Variants in METTL15 observed in about 807,000 individuals in gnomAD.
The protein encoded by METTL15 is methyltransferase 15, mitochondrial 12S rRNA N4-cytidine.
METTL15 carries 34 observed loss-of-function variants against 38.3 expected under a neutral mutation model. That is an observed-to-expected ratio of 0.89 (90% confidence interval 0.68 to 1.18). The LOEUF is 1.18. Ranked by LOEUF, METTL15 falls within the 50% of genes most tolerant of loss-of-function variation. METTL15 has a pLI of 0.00. For missense variants in METTL15, 438 were observed against 498.4 expected, an observed-to-expected ratio of 0.88 and a Z score of 1.15; for synonymous variants, 162 against 170.9, an observed-to-expected ratio of 0.95 and a Z score of 0.41.
intron 3 of METTL15, among the ~76,000 whole-genome samples, chr11:28,207,422 C>T (rs1852398421): frequency 6.6e-6 from 1 of 152,146 alleles, no homozygotes; most frequent in South Asian, 2.1e-4. Context: ...TATTGATTTG[C>T]ATATGTTGAA....
chr11:28,346,069 C>T (rs1236791654), intron 3 of METTL15, among the ~76,000 whole-genome samples: 4 of 152,214 alleles, frequency 2.6e-5, no homozygotes, highest in Non-Finnish European at 5.9e-5. Flanking sequence ...AAAGACACAT[C>T]TTTAGCATGA....
chr11:28,294,255 A>T (rs1023401194), intron 5 of METTL15, among the ~76,000 whole-genome samples: 9 of 152,148 alleles, frequency 5.9e-5, no homozygotes, highest in African/African-American at 2.2e-4. Flanking sequence ...GGGGGAATTG[A>T]TTCACATGAA....
At chr11:28,482,999 T>C (rs1388405305) in intron 6 of METTL15, among the ~76,000 whole-genome samples, 1 of 151,914 alleles carries the variant, frequency 6.6e-6, no homozygotes, top group Non-Finnish European at 1.5e-5. Context: ...TCTTCTTCCC[T>C]TTTTCCTGCC....
intron 4 of METTL15, among the ~76,000 whole-genome samples, chr11:28,221,353 C>T (rs537773242): frequency 3.3e-5 from 5 of 152,294 alleles, no homozygotes; most frequent in East Asian, 3.9e-4. Flanking sequence ...TTGATCGAAT[C>T]GGCTACTGAA....
chr11:28,430,364 G>A (rs1448355124), intron 6 of METTL15, among the ~76,000 whole-genome samples: 2 of 1,628 alleles, frequency 1.2e-3, no homozygotes, highest in African/African-American at 5.1e-3. Context: ...GTGCCATCCG[G>A]GAGGAGGTGG....
intron 3 of METTL15, among the ~76,000 whole-genome samples, chr11:28,209,181 G>C (rs372450239): frequency 6.6e-6 from 1 of 151,872 alleles, no homozygotes; most frequent in South Asian, 2.1e-4. Flanking sequence ...TATTGATTGG[G>C]ACTTTCTTGT....
intron 6 of METTL15, among the ~76,000 whole-genome samples, chr11:28,430,627 A>G (rs375188031): frequency 0.91 from 18,281 of 20,144 alleles, 8,298 homozygotes; most frequent in East Asian, 0.96. Context: ...CCGGCCAGCC[A>G]CCCCGTCTGG....
At chr11:28,486,619 C>A (rs1851441579) in intron 6 of METTL15, among the ~76,000 whole-genome samples, 1 of 152,126 alleles carries the variant, frequency 6.6e-6, no homozygotes, top group South Asian at 2.1e-4. Flanking sequence ...GCCCTTTAGG[C>A]CATCTATGTG....
At chr11:28,386,442 A>G (rs530536203) in intron 5 of METTL15, among the ~76,000 whole-genome samples, 4 of 152,090 alleles carry the variant, frequency 2.6e-5, no homozygotes, top group Non-Finnish European at 5.9e-5. Flanking sequence ...ACATCAGAAA[A>G]AAAATAGACT....
intron 3 of METTL15, among the ~76,000 whole-genome samples, chr11:28,201,181 C>G (rs1370645738): frequency 6.6e-6 from 1 of 152,030 alleles, no homozygotes; most frequent in East Asian, 1.9e-4. Flanking sequence ...TGGTTTTTGT[C>G]ACTGATTCTG....
chr11:28,334,973 G>A (rs1006913121), downstream of METTL15, among the ~76,000 whole-genome samples: 1 of 152,062 alleles, frequency 6.6e-6, no homozygotes, highest in Non-Finnish European at 1.5e-5. Context: ...TGTGTCTTTG[G>A]TAATGTTACT....
chr11:28,409,100 G>A (rs1339178803), intron 5 of METTL15, among the ~76,000 whole-genome samples: 2 of 151,876 alleles, frequency 1.3e-5, no homozygotes, highest in Non-Finnish European at 2.9e-5. Flanking sequence ...TATTTAAATC[G>A]GGCTGGGCGC....
chr11:28,522,460 C>T (rs534534406), intron 6 of METTL15, among the ~76,000 whole-genome samples: 2 of 152,338 alleles, frequency 1.3e-5, no homozygotes, highest in South Asian at 4.1e-4. Flanking sequence ...GTCTTTTGTT[C>T]TATCCAGGCC....
At chr11:28,344,650 T>G (rs1474526067) in intron 3 of METTL15, among the ~76,000 whole-genome samples, 1 of 152,192 alleles carries the variant, frequency 6.6e-6, no homozygotes, top group African/African-American at 2.4e-5. Flanking sequence ...ATACACTGTC[T>G]AAGAGAATCT....
At chr11:28,187,245 T>C (rs1851531048) in intron 3 of METTL15, among the ~76,000 whole-genome samples, 1 of 151,278 alleles carries the variant, frequency 6.6e-6, no homozygotes, top group South Asian at 2.1e-4. Flanking sequence ...TGGCCTTCTC[T>C]GACCAAATAA....
At chr11:28,513,452 G>A (rs1217955453) in intron 6 of METTL15, among the ~76,000 whole-genome samples, 1 of 152,192 alleles carries the variant, frequency 6.6e-6, no homozygotes, top group Non-Finnish European at 1.5e-5. Flanking sequence ...CAGGACTCTG[G>A]TGAGTTGGTA....
intron 6 of METTL15, among the ~76,000 whole-genome samples, chr11:28,526,289 C>T (rs546370593): frequency 5.3e-5 from 8 of 152,276 alleles, no homozygotes; most frequent in South Asian, 2.1e-4. Flanking sequence ...ACGCCGAGGC[C>T]GAGGAGGTGC....
chr11:28,482,010 C>A (rs2133473915), intron 6 of METTL15, among the ~76,000 whole-genome samples: 1 of 152,042 alleles, frequency 6.6e-6, no homozygotes, highest in Middle Eastern at 3.4e-3. Context: ...TTTTTTTCCA[C>A]CCTTGTCTGC....
At chr11:28,302,602 A>G (rs1856950477) in intron 6 of METTL15, among the ~76,000 whole-genome samples, 1 of 152,156 alleles carries the variant, frequency 6.6e-6, no homozygotes, top group South Asian at 2.1e-4. Flanking sequence ...GCCTTCTGCC[A>G]TGATTGTGAG....
Sources: gnomAD v4.1 joint callset for allele counts (sites outside exome capture counted in the v4.1 genomes callset) on GRCh38, gnomAD v4.1.1 for gene constraint, MANE v1.5 for transcripts, NCBI Gene and HGNC (gene_info 2026-07-23, HGNC 2026-07-21) for gene names.